Variants in PPP2R3A observed in about 807,000 individuals in gnomAD.
PPP2R3A encodes protein phosphatase 2 regulatory subunit B''alpha.
In PPP2R3A, 80 loss-of-function variants were observed where a neutral mutation model predicts 106.9. The ratio of observed to expected loss-of-function variants is 0.75; its 90% CI spans 0.62 to 0.90. PPP2R3A has a LOEUF of 0.90. PPP2R3A is among the 40% of genes least tolerant of loss of function. The pLI is 0.00. For missense variants in PPP2R3A, 1,386 were observed against 1,350.4 expected, an observed-to-expected ratio of 1.03 and a Z score of -0.41; for synonymous variants, 483 against 468.3, an observed-to-expected ratio of 1.03 and a Z score of -0.41.
intron 8 of PPP2R3A, among the ~76,000 whole-genome samples, chr3:136,082,879 C>G (rs572583621): frequency 5.0e-4 from 76 of 152,256 alleles, no homozygotes; most frequent in African/African-American, 1.8e-3. Flanking sequence ...AATTTTGTTC[C>G]AGAAAGATAC....
chr3:136,031,420 A>G (rs114516732), intron 3 of PPP2R3A, among the ~76,000 whole-genome samples: 1,865 of 152,244 alleles, frequency 0.012, 39 homozygotes, highest in African/African-American at 0.043. Context: ...TGTCAGATGT[A>G]TAGATCTTGA....
chr3:136,145,872 T>C lies in PPP2R3A; in HGVS notation c.*706T>C, dbSNP rs189084034. 8 of 152,474 alleles carry C rather than the reference T, an allele frequency of 5.2e-5. No homozygotes were observed. The East Asian group carries it at 9.6e-4, about 18-fold the overall frequency. The allele number at this position is 152,474 out of a possible 1,614,324, so 9.4% of individuals were successfully genotyped here. ...AAAAAAACACTTCTTAAATGAAGTA[T>C]AGAATTTGACTCATACTTGGAAAAA... is the stretch of plus-strand genomic sequence containing the variant. On this transcript the variant is annotated 3_prime_UTR_variant, in exon 14 of 14. Coordinates refer to ENST00000264977, the MANE Select transcript of PPP2R3A (RefSeq NM_002718.5).
intron 5 of PPP2R3A, among the ~76,000 whole-genome samples, chr3:136,058,337 C>T (rs1228131733): frequency 1.3e-5 from 2 of 152,164 alleles, no homozygotes; most frequent in African/African-American, 2.4e-5. Flanking sequence ...GATACAAAAT[C>T]AGTGTGTAGA....
rs751673713 is a variant in PPP2R3A at position 136,001,915 on chromosome 3, T to A, written c.417T>A (p.Ala139=). ...AACTCAAAAACTCTAACCATGCAGC[T>A]TACAGAAAGGGAAGGAAAGTTAAGT... The part of the protein sequence containing the change: ...FEKLKNSNHA[A]YRKGRKVKSD... The change falls in exon 2 of 14, where the codon GCT becomes GCA. Residue 139 remains alanine (A), a synonymous_variant. Coordinates refer to ENST00000264977, the MANE Select transcript of PPP2R3A (RefSeq NM_002718.5). 1.9e-6 allele frequency: 3 copies of A among 1,614,014 alleles called. No individual in the cohort carries two copies. In the African/African-American group the frequency reaches 4.0e-5, roughly 22 times the overall value.
chr3:136,086,431 G>A (rs1264973980), intron 8 of PPP2R3A, among the ~76,000 whole-genome samples: 3 of 151,160 alleles, frequency 2.0e-5, no homozygotes, highest in South Asian at 2.1e-4. Flanking sequence ...GCAGTAAGCC[G>A]AGATCACACC....
At chr3:135,993,190 A>G (rs933220145) in intron 1 of PPP2R3A, among the ~76,000 whole-genome samples, 4 of 152,190 alleles carry the variant, frequency 2.6e-5, no homozygotes, top group Non-Finnish European at 4.4e-5. Flanking sequence ...TAATATCTGT[A>G]TTTAAAATAT....
Position 136,146,949 on chromosome 3 carries a change from T to A in PPP2R3A, c.*1783T>A, listed in dbSNP as rs985537130. The A allele has an allele frequency of 8.5e-5, 13 of 152,136 alleles. No homozygotes were observed. Among genetic ancestry groups the A allele is most frequent in the Non-Finnish European group, 1.6e-4 (11 of 68,008 alleles). 9.4% of individuals were successfully genotyped at this position (152,136 alleles called of 1,614,324 possible). A position where few individuals can be genotyped will look rare whatever the true frequency, so the allele number is the denominator to read the frequency against. On this transcript the variant is annotated 3_prime_UTR_variant, in exon 14 of 14. Coordinates refer to ENST00000264977, the MANE Select transcript of PPP2R3A (RefSeq NM_002718.5). ...CCATAATGATCTAAACTAATAAGAT[T>A]CACCAAAAAGTAAAAATTCAATTTT...
chr3:136,020,351 A>G (rs776518705), intron 2 of PPP2R3A, among the ~76,000 whole-genome samples: 4 of 152,068 alleles, frequency 2.6e-5, no homozygotes, highest in Non-Finnish European at 5.9e-5. Context: ...TTTTCTGAGA[A>G]TGAGTCTCAT....
Position 136,122,221 on chromosome 3 carries a change from T to G in PPP2R3A, c.3329+15899T>G, listed in dbSNP as rs571547028. 1.7e-4 allele frequency among the ~76,000 whole-genome samples: 26 copies of G among 152,280 alleles called. No homozygotes were observed. In the South Asian group the frequency reaches 5.4e-3, roughly 32 times the overall value. The stretch of plus-strand genomic sequence containing the variant: ...CTGTAACCCCAACACTCTGGGAAGC[T>G]GAGGCGGAAGGATCACTTGAGCCCA... On this transcript the variant is annotated intron_variant, in intron 13 of 13. Coordinates refer to ENST00000264977, the MANE Select transcript of PPP2R3A (RefSeq NM_002718.5).
chr3:136,132,738 G>A (rs1423703960), intron 13 of PPP2R3A, among the ~76,000 whole-genome samples: 1 of 151,848 alleles, frequency 6.6e-6, no homozygotes, highest in African/African-American at 2.4e-5. Context: ...GACTTTTGGT[G>A]TAGAAATTAG....
At chr3:135,998,393 A>G (rs1933490182) in intron 1 of PPP2R3A, among the ~76,000 whole-genome samples, 1 of 152,250 alleles carries the variant, frequency 6.6e-6, no homozygotes, top group Non-Finnish European at 1.5e-5. Flanking sequence ...AAAATGTCTA[A>G]TAGGTAAATG....
intron 2 of PPP2R3A, among the ~76,000 whole-genome samples, chr3:136,015,413 G>C (rs1175816038): frequency 6.6e-6 from 1 of 152,044 alleles, no homozygotes; most frequent in Admixed American, 6.5e-5. Context: ...TTGAATGTCT[G>C]ATAGAATTCA....
intron 10 of PPP2R3A, among the ~76,000 whole-genome samples, chr3:136,093,338 G>GGC (rs1435493777): frequency 6.6e-6 from 1 of 152,174 alleles, no homozygotes; most frequent in African/African-American, 2.4e-5. Flanking sequence ...GAGCCTGGGA[G>GGC]GCAGAGGTTG....
Position 136,001,089 on chromosome 3 carries a change from A to G in PPP2R3A, c.-410A>G, listed in dbSNP as rs574718009. 3.2e-4 allele frequency: 129 copies of G among 398,194 alleles called. No individual in the cohort carries two copies. Among genetic ancestry groups the G allele is most frequent in the African/African-American group, 2.3e-3 (112 of 48,690 alleles). The allele number at this position is 398,194 out of a possible 1,614,324, so 24.7% of individuals were successfully genotyped here. A position where few individuals can be genotyped will look rare whatever the true frequency, so the allele number is the denominator to read the frequency against. On this transcript the variant is annotated 5_prime_UTR_variant, in exon 2 of 14. Coordinates refer to ENST00000264977, the MANE Select transcript of PPP2R3A (RefSeq NM_002718.5). The stretch of plus-strand genomic sequence containing the variant: ...TCTGTCATTCACAGAAAAATGAATC[A>G]TTTAAACCTTTGGAGGACTCAGTTA...
At chr3:135,988,605 A>C (rs1933024391) in intron 1 of PPP2R3A, among the ~76,000 whole-genome samples, 1 of 152,106 alleles carries the variant, frequency 6.6e-6, no homozygotes, top group Non-Finnish European at 1.5e-5. Context: ...TCACACTGGC[A>C]TTCTCACTCT....
rs116789428 is a variant in PPP2R3A, at chr3:136,000,467, G to A, written c.-440-592G>A. On this transcript the variant is annotated intron_variant, in intron 1 of 13. Coordinates refer to ENST00000264977, the MANE Select transcript of PPP2R3A (RefSeq NM_002718.5). ...AGATATCCACATGGAGCAGGGTCTGGGAGATGGGATCAAGATCAGTAATGA... is the reference window on the plus strand; with the variant it reads ...AGATATCCACATGGAGCAGGGTCTGAGAGATGGGATCAAGATCAGTAATGA... 6.0e-3 allele frequency among the ~76,000 whole-genome samples: 918 copies of A among 152,248 alleles called. 16 individuals carry two copies. The highest frequency in any genetic ancestry group is 0.021 in the African/African-American group (877 of 41,534).
intron 10 of PPP2R3A, among the ~76,000 whole-genome samples, chr3:136,092,680 T>C (rs1937121372): frequency 6.6e-6 from 1 of 152,090 alleles, no homozygotes; most frequent in Admixed American, 6.6e-5. Flanking sequence ...GACATAAAAA[T>C]AAACAAAATT....
chr3:135,983,565 AT>A (rs1337694466), intron 1 of PPP2R3A, among the ~76,000 whole-genome samples: 3 of 152,152 alleles, frequency 2.0e-5, no homozygotes, highest in African/African-American at 7.2e-5. Flanking sequence ...TCTAAATCAA[AT>A]CCTACGTTTT....
chr3:136,103,169 A>C (rs75262249), intron 11 of PPP2R3A, 89 bp from the exon 12 acceptor site: 2 of 707,128 alleles, frequency 2.8e-6, no homozygotes, highest in Admixed American at 5.1e-5. Flanking sequence ...ATAAACATAT[A>C]CCTATACTTT....
Sources: allele counts gnomAD v4.1 joint callset (sites outside exome capture counted in the v4.1 genomes callset), GRCh38; gene constraint gnomAD v4.1.1; transcripts MANE v1.5; gene names NCBI Gene and HGNC (gene_info 2026-07-23, HGNC 2026-07-21).